The following YBX3 variants were observed in gnomAD, a reference collection of about 807,000 sequenced individuals.
YBX3 encodes Y-box binding protein 3, also known as Y-box-binding protein 3.
YBX3 carries 29 observed loss-of-function variants against 42.4 expected under a neutral mutation model. That is an observed-to-expected ratio of 0.68 (90% CI 0.51 to 0.93). The LOEUF is 0.93. YBX3 is among the 40% of genes least tolerant of loss of function. The pLI is 0.00. For synonymous variants in YBX3, 195 were observed against 189.8 expected, an observed-to-expected ratio of 1.03 and a Z score of -0.22; for missense variants, 517 against 527.5, an observed-to-expected ratio of 0.98 and a Z score of 0.19.
intron 5 of YBX3, chr12:10,710,411 C>T (rs997659235): frequency 3.1e-5 from 41 of 1,304,008 alleles, no homozygotes; most frequent in South Asian, 2.0e-4. Flanking sequence ...ACCAACCACC[C>T]GAAGAGTATC....
rs1356014154 is a variant in YBX3 at position 10,719,162 on chromosome 12, G to C, written c.263-19C>G. The C allele has an allele frequency of 4.4e-6, 7 of 1,606,310 alleles. No individual in the cohort carries two copies. Among genetic ancestry groups the C allele is most frequent in the Non-Finnish European group, 6.0e-6 (7 of 1,174,068 alleles). On this transcript the variant is annotated intron_variant, in intron 1 of 9. Transcript: ENST00000228251. ...TTGGTGGCTAAAATAGGATTAAGCA[G>C]ATAAATTAGTATCTGACCTACAGAG... is the stretch of plus-strand genomic sequence containing the variant.
Position 10,723,115 on chromosome 12 carries a change from TC to T in YBX3, c.-5del. ...TGGCCTCGCCCGCCTCACTCATGCC[TC>T]CTCCTCCTCTGCTCTCGCTCAGGCG... is the stretch of plus-strand genomic sequence containing the variant. On this transcript the variant is annotated 5_prime_UTR_variant, in exon 1 of 10. Coordinates refer to ENST00000228251, the MANE Select transcript of YBX3 (RefSeq NM_003651.5). 1 of 1,200,080 alleles carries T rather than the reference TC, an allele frequency of 8.3e-7. No individual in the cohort carries two copies. The highest frequency in any genetic ancestry group is 1.0e-6 in the Non-Finnish European group (1 of 968,128). 74.3% of individuals were successfully genotyped at this position (1,200,080 alleles called of 1,614,324 possible).
chr12:10,710,511 A>G, intron 5 of YBX3: 2 of 1,184,060 alleles, frequency 1.7e-6, no homozygotes, highest in Non-Finnish European at 1.1e-6. Context: ...CCAAAAAAGA[A>G]TACATTTTAT....
chr12:10,711,500 G>A (rs978986894), intron 5 of YBX3: 6 of 152,098 alleles, frequency 3.9e-5, no homozygotes, highest in African/African-American at 9.7e-5. Context: ...TTATGTAAAC[G>A]TTTATTTGCA....
chr12:10,703,600 A>G (rs975085118), intron 7 of YBX3: 20 of 437,434 alleles, frequency 4.6e-5, no homozygotes, highest in Non-Finnish European at 8.6e-5. Flanking sequence ...AATGCAGTCC[A>G]AGAACATACA....
chr12:10,721,396 T>C (rs1045312764), intron 1 of YBX3, among the ~76,000 whole-genome samples: 3 of 152,260 alleles, frequency 2.0e-5, no homozygotes, highest in Non-Finnish European at 2.9e-5. Context: ...AAAAGCTTTC[T>C]ACAAAATAAG....
At position 10,702,083 on chromosome 12, in the gene YBX3, A is replaced by G; in HGVS notation, c.930T>C (p.Asp310=). The G allele has an allele frequency of 1.2e-6, 2 of 1,614,176 alleles. No individual in the cohort carries two copies. Among genetic ancestry groups the G allele is most frequent in the Non-Finnish European group, 8.5e-7 (1 of 1,180,004 alleles). ...RPAPAVGEAE[D]KENQQATSGP... ...CACTGGTGGCTTGCTGATTTTCTTT[A>G]TCTTCAGCCTCTCCAACTGCTGGGG... The change falls in exon 8 of 10, where the codon GAT becomes GAC. Residue 310 remains aspartate, a synonymous_variant. Coordinates refer to ENST00000228251, the MANE Select transcript of YBX3 (RefSeq NM_003651.5).
intron 9 of YBX3, among the ~76,000 whole-genome samples, chr12:10,700,605 A>T (rs930327218): frequency 6.6e-6 from 1 of 152,202 alleles, no homozygotes; most frequent in Admixed American, 6.5e-5. Flanking sequence ...ACGAGAGGTT[A>T]TTCTTTACCA....
chr12:10,703,955 T>C (rs1418081596), intron 7 of YBX3, 96 bp downstream of exon 7: 3 of 1,163,356 alleles, frequency 2.6e-6, no homozygotes, highest in African/African-American at 3.0e-5. Context: ...ATCTTCTAGA[T>C]ATATAATAAA....
intron 7 of YBX3, 48 bp from the exon 8 acceptor site, chr12:10,702,182 C>T: frequency 6.5e-7 from 1 of 1,544,800 alleles, no homozygotes; most frequent in South Asian, 1.2e-5. Flanking sequence ...CAGGACAGGG[C>T]TTCTCCAGAA....
chr12:10,714,302 G>C (rs1205651686), intron 4 of YBX3, among the ~76,000 whole-genome samples: 1 of 152,180 alleles, frequency 6.6e-6, no homozygotes, highest in African/African-American at 2.4e-5. Context: ...CACATACAGG[G>C]AGTTAACCTC....
chr12:10,701,267 A>G lies in YBX3; in HGVS notation c.*21T>C, dbSNP rs764449633. On this transcript the variant is annotated 3_prime_UTR_variant, in exon 9 of 10. Coordinates refer to ENST00000228251, the MANE Select transcript of YBX3 (RefSeq NM_003651.5). ...CCCAGCTCTTACCTGCCGATGGTGAAGGTGCCTGAGGAGCCTGGTGTTACT... is the reference window on the plus strand; with the variant it reads ...CCCAGCTCTTACCTGCCGATGGTGAGGGTGCCTGAGGAGCCTGGTGTTACT... The G allele has an allele frequency of 5.9e-5, 46 of 779,230 alleles. No individual in the cohort carries two copies. Among genetic ancestry groups the G allele is most frequent in the Non-Finnish European group, 9.1e-5 (38 of 417,872 alleles). 48.3% of individuals were successfully genotyped at this position (779,230 alleles called of 1,614,324 possible). A position where few individuals can be genotyped will look rare whatever the true frequency, so the allele number is the denominator to read the frequency against.
chr12:10,710,010 G>C lies in YBX3; in HGVS notation c.678C>G (p.Pro226=), dbSNP rs552970132. The change falls in exon 6 of 10, where the codon CCC becomes CCG. Residue 226 remains proline (P), a synonymous_variant. Transcript: ENST00000228251. ...FSGARNQLRR[P]QYRPQYRQRR... is the part of the protein sequence containing the mutation. ...GCTGCCGGTACTGAGGGCGATACTG[G>C]GGGCGGCGCAGCTGATTCCGGGCCC... The C allele has an allele frequency of 1.9e-6, 3 of 1,612,336 alleles. No homozygotes were observed. The highest frequency in any genetic ancestry group is 1.6e-4 in the Middle Eastern group (1 of 6,062).
intron 6 of YBX3, among the ~76,000 whole-genome samples, chr12:10,709,164 T>C (rs1260989653): frequency 2.0e-5 from 3 of 151,696 alleles, no homozygotes; most frequent in Non-Finnish European, 4.4e-5. Flanking sequence ...CATCTAGCGG[T>C]GAGGGGAAAA....
At chr12:10,718,634 G>A (rs1948290655) in intron 2 of YBX3, among the ~76,000 whole-genome samples, 1 of 152,130 alleles carries the variant, frequency 6.6e-6, no homozygotes, top group African/African-American at 2.4e-5. Context: ...TTGTAGTTAT[G>A]TTCTCATTCC....
In YBX3 at chr12:10,709,981, C is replaced by T. The variant is rs1347313092; in HGVS notation, c.707G>A (p.Arg236Gln). Residue 236 changes from arginine to glutamine, a missense_variant, in exon 6 of 10, where the codon CGG (arginine) becomes CAG (glutamine). Physicochemically the swap from Arg to Gln is conservative, Grantham distance 43. Around this residue, in one of 3 missense-constraint regions of YBX3, gnomAD observed 420 missense variants for 408.5 expected, o/e 1.03. Transcript: ENST00000228251. ...CTGTCCCACGTGGTAAGGCGGGAAC[C>T]GCCGCTGCCGGTACTGAGGGCGATA... ...PQYRPQYRQR[R>Q]FPPYHVGQTF... The T allele has an allele frequency of 1.2e-5, 20 of 1,613,946 alleles. No individual in the cohort carries two copies. Among genetic ancestry groups the T allele is most frequent in the Middle Eastern group, 1.6e-4 (1 of 6,084 alleles).
chr12:10,710,412 G>A lies in YBX3; in HGVS notation c.574-298C>T, dbSNP rs566492612. On this transcript the variant is annotated intron_variant, in intron 5 of 9. Coordinates refer to ENST00000228251, the MANE Select transcript of YBX3 (RefSeq NM_003651.5). Reference sequence around the variant, plus strand: ...ACTCGTATCAGCTAACCAACCACCCGAAGAGTATCTGCAAGGTTTATAATT... The same window carrying A: ...ACTCGTATCAGCTAACCAACCACCCAAAGAGTATCTGCAAGGTTTATAATT... The A allele has an allele frequency of 3.4e-5, 45 of 1,306,504 alleles. 1 individual carries two copies. The South Asian group carries it at 4.7e-4, about 14-fold the overall frequency. 80.9% of individuals were successfully genotyped at this position (1,306,504 alleles called of 1,614,324 possible). A position where few individuals can be genotyped will look rare whatever the true frequency, so the allele number is the denominator to read the frequency against.
intron 6 of YBX3, among the ~76,000 whole-genome samples, chr12:10,708,888 A>G (rs1591576884): frequency 6.6e-6 from 1 of 152,250 alleles, no homozygotes; most frequent in Non-Finnish European, 1.5e-5. Context: ...GGAAAGCACT[A>G]TTAAGACGCT....
chr12:10,709,005 T>C (rs1453100976), intron 6 of YBX3, among the ~76,000 whole-genome samples: 2 of 152,188 alleles, frequency 1.3e-5, no homozygotes, highest in Admixed American at 6.5e-5. Context: ...AATCTCTCCA[T>C]ATATGTAAGT....
Sources: gnomAD v4.1 joint callset for allele counts (sites outside exome capture counted in the v4.1 genomes callset) on GRCh38, gnomAD v4.1.1 for gene constraint, gnomAD v4.1.1 regional missense constraint, MANE v1.5 for transcripts, NCBI Gene and HGNC (gene_info 2026-07-23, HGNC 2026-07-21) for gene names.